CNNM4: variants seen among roughly 807,000 people sequenced by gnomAD.
CNNM4 encodes the protein metal transporter CNNM4.
CNNM4 carries 32 observed loss-of-function variants against 53.7 expected under a neutral mutation model. That is an observed-to-expected ratio of 0.60 (90% confidence interval 0.45 to 0.80). CNNM4 has a LOEUF of 0.80. Ranked by LOEUF, CNNM4 falls within the 30% of genes least tolerant of loss-of-function variation. CNNM4 has a pLI of 0.00. For synonymous variants in CNNM4, 410 were observed against 440.0 expected (o/e 0.93, Z 0.85); for missense variants, 784 against 1,022.0 (o/e 0.77, Z 3.17).
Position 96,806,172 on chromosome 2 carries a change from G to A in CNNM4, c.1949-2389G>A, listed in dbSNP as rs1399886000. On this transcript the variant is annotated intron_variant, in intron 5 of 6. Coordinates refer to ENST00000377075, the MANE Select transcript of CNNM4 (RefSeq NM_020184.4). ...TCCCGGACGGGGCGGCTGGCCGGGC[G>A]GGGGGCTGACACCTTCTTTTCAGTT... Among the ~76,000 whole-genome samples, 4 of 151,738 alleles carry A rather than the reference G, an allele frequency of 2.6e-5. No individual in the cohort carries two copies. In the East Asian group the frequency reaches 5.8e-4, roughly 22 times the overall value.
In CNNM4 at chr2:96,761,578, G is replaced by A; in HGVS notation, c.579G>A (p.Leu193=). ...ACATTCTCCTAATTACGGTGCTGCT[G>A]GTGCTGTCGGGCATATTTTCTGGCC... is the stretch of plus-strand genomic sequence containing the variant. The part of the protein sequence containing the change: ...WLHILLITVL[L]VLSGIFSGLN... Residue 193 remains leucine, a synonymous_variant, in exon 1 of 7, where the codon CTG becomes CTA. Transcript: ENST00000377075. This position sits in a 1 kb window ranked among gnomAD's most constrained non-coding sequence, Gnocchi z 6.0. 6.2e-7 allele frequency: 1 copy of A among 1,614,158 alleles called. No homozygotes were observed. The highest frequency in any genetic ancestry group is 8.5e-7 in the Non-Finnish European group (1 of 1,180,018).
intron 1 of CNNM4, among the ~76,000 whole-genome samples, chr2:96,764,794 T>C (rs2078798680): frequency 1.3e-5 from 2 of 152,138 alleles, no homozygotes; most frequent in Non-Finnish European, 2.9e-5. Flanking sequence ...GAGACCATCC[T>C]GGCTAACATG....
At position 96,799,626 on chromosome 2, in the gene CNNM4, G is replaced by A. The variant is rs2079140453; in HGVS notation, c.1926G>A (p.Met642Ile). 3.9e-6 allele frequency: 6 copies of A among 1,552,722 alleles called. No homozygotes were observed. Among genetic ancestry groups the A allele is most frequent in the Non-Finnish European group, 8.7e-7 (1 of 1,147,568 alleles). ...GCGCCTTCTCCTACTATGGGACTATGGCCCTGACCTCGGTCCCCTCCGGTG... is the reference window on the plus strand; with the variant it reads ...GCGCCTTCTCCTACTATGGGACTATAGCCCTGACCTCGGTCCCCTCCGGTG... ...ETGAFSYYGT[M>I]ALTSVPSDRS... The change falls in exon 5 of 7, where the codon ATG becomes ATA. Residue 642 changes from methionine (M) to isoleucine (I), a missense_variant. Around this residue, in one of 3 missense-constraint regions of CNNM4, gnomAD observed 307 missense variants for 376.3 expected, o/e 0.82. Coordinates refer to ENST00000377075, the MANE Select transcript of CNNM4 (RefSeq NM_020184.4).
chr2:96,779,946 G>T (rs1003754855), intron 1 of CNNM4, among the ~76,000 whole-genome samples: 4 of 152,012 alleles, frequency 2.6e-5, no homozygotes, highest in Non-Finnish European at 5.9e-5. Context: ...GGGGCTACAG[G>T]CACGTGCCAC....
Position 96,801,692 on chromosome 2 carries a change from G to C in CNNM4, c.1948+2044G>C, listed in dbSNP as rs2079160492. On this transcript the variant is annotated intron_variant, in intron 5 of 6. Transcript: ENST00000377075. This position sits in a 1 kb window ranked among gnomAD's most constrained non-coding sequence, Gnocchi z 5.6. ...CACACACAGAGACCACACGCAGAGA[G>C]ACCACACACACGCAGAGAGACCACA... 7.1e-6 allele frequency among the ~76,000 whole-genome samples: 1 copy of C among 141,176 alleles called. No homozygotes were observed. The highest frequency in any genetic ancestry group is 2.3e-4 in the South Asian group (1 of 4,444). 92.6% of individuals were successfully genotyped at this position (141,176 alleles called of 152,430 possible). A position where few individuals can be genotyped will look rare whatever the true frequency, so the allele number is the denominator to read the frequency against.
At position 96,801,679 on chromosome 2, in the gene CNNM4, C is replaced by CCACACGCAGAGAGACCACA. The variant is rs1352862464; in HGVS notation, c.1948+2055_1948+2073dup. Among the ~76,000 whole-genome samples, 2 of 144,310 alleles carry CCACACGCAGAGAGACCACA rather than the reference C, an allele frequency of 1.4e-5. No homozygotes were observed. The highest frequency in any genetic ancestry group is 3.0e-5 in the Non-Finnish European group (2 of 66,160). The allele number at this position is 144,310 out of a possible 152,430, so 94.7% of individuals were successfully genotyped here. ...GACCACACACACACACACACAGAGA[C>CCACACGCAGAGAGACCACA]CACACGCAGAGAGACCACACACACG... is the stretch of plus-strand genomic sequence containing the variant. On this transcript the variant is annotated intron_variant, in intron 5 of 6. Coordinates refer to ENST00000377075, the MANE Select transcript of CNNM4 (RefSeq NM_020184.4). The surrounding 1 kb of genome is among the most constrained non-coding windows in gnomAD (Gnocchi z 5.6).
At chr2:96,763,649 T>C (rs2078785792) in intron 1 of CNNM4, among the ~76,000 whole-genome samples, 1 of 151,936 alleles carries the variant, frequency 6.6e-6, no homozygotes, top group African/African-American at 2.4e-5. Flanking sequence ...GAGGACAGCT[T>C]TGGAGTGGGA....
In CNNM4 at chr2:96,761,611, CGGGCTT is replaced by C. The variant is rs754039778; in HGVS notation, c.613_618del (p.Gly205_Leu206del). The C allele has an allele frequency of 2.6e-5, 42 of 1,613,980 alleles. No individual in the cohort carries two copies. Among genetic ancestry groups the C allele is most frequent in the Non-Finnish European group, 3.5e-5 (41 of 1,180,038 alleles). Reference sequence around the variant, plus strand: ...CGGGCATATTTTCTGGCCTCAACCTCGGGCTTATGGCCCTGGACCCCATGGAGCTGC... The same window carrying C: ...CGGGCATATTTTCTGGCCTCAACCTCATGGCCCTGGACCCCATGGAGCTGC... On this transcript the variant is annotated inframe_deletion, in exon 1 of 7. Coordinates refer to ENST00000377075, the MANE Select transcript of CNNM4 (RefSeq NM_020184.4). The surrounding 1 kb of genome is among the most constrained non-coding windows in gnomAD (Gnocchi z 6.0).
intron 5 of CNNM4, among the ~76,000 whole-genome samples, chr2:96,802,171 G>GAT (rs1000952129): frequency 2.0e-5 from 3 of 149,938 alleles, no homozygotes; most frequent in Admixed American, 6.6e-5. Flanking sequence ...TACACCCATA[G>GAT]ACACACACAC....
chr2:96,797,696 G>A lies in CNNM4; in HGVS notation c.1681+49G>A, dbSNP rs777293869. On this transcript the variant is annotated intron_variant, in intron 3 of 6. Coordinates refer to ENST00000377075, the MANE Select transcript of CNNM4 (RefSeq NM_020184.4). This position sits in a 1 kb window ranked among gnomAD's most constrained non-coding sequence, Gnocchi z 6.0. ...TCTTGGTGGAAATACGGTCACGGGG[G>A]AGAAGTCCTGGGTTTCCGGCTGCTT... 3.1e-6 allele frequency: 5 copies of A among 1,608,976 alleles called. No individual in the cohort carries two copies. In the East Asian group the frequency reaches 8.9e-5, roughly 29 times the overall value.
chr2:96,797,592 C>T lies in CNNM4; in HGVS notation c.1626C>T (p.Leu542=). The change falls in exon 3 of 7, where the codon CTC becomes CTT. Residue 542 remains leucine (L), a synonymous_variant. Transcript: ENST00000377075. The surrounding 1 kb of genome is among the most constrained non-coding windows in gnomAD (Gnocchi z 6.0). ...CCTTCAAGGATGCGGACAATGAGCT[C>T]AAAGTGAAAATCTCCCCGCAGCTCC... ...FSAFKDADNE[L]KVKISPQLLL... 3 of 1,614,184 alleles carry T rather than the reference C, an allele frequency of 1.9e-6. No homozygotes were observed. The highest frequency in any genetic ancestry group is 2.5e-6 in the Non-Finnish European group (3 of 1,180,034).
At chr2:96,784,014 G>A (rs2078996541) in intron 1 of CNNM4, among the ~76,000 whole-genome samples, 1 of 152,180 alleles carries the variant, frequency 6.6e-6, no homozygotes, top group Non-Finnish European at 1.5e-5. Flanking sequence ...TCTTTGGAAG[G>A]CAGGATTATA....
intron 1 of CNNM4, among the ~76,000 whole-genome samples, chr2:96,775,457 G>C (rs1234036753): frequency 6.6e-6 from 1 of 152,152 alleles, no homozygotes; most frequent in Non-Finnish European, 1.5e-5. Flanking sequence ...GATGGACATT[G>C]CATTGTTTGC....
rs1574077341 is a variant in CNNM4, at chr2:96,796,063, T to A, written c.1403-949T>A. On this transcript the variant is annotated intron_variant, in intron 1 of 6. Transcript: ENST00000377075. ...CACAGTGCTCGGCCTCTCTGTGCCC[T>A]TGTCAGTTTGGGTCTTTCCCCTCCC... 4.7e-5 allele frequency among the ~76,000 whole-genome samples: 7 copies of A among 148,426 alleles called. 1 individual carries two copies. In the Admixed American group the frequency reaches 4.7e-4, roughly 10 times the overall value.
chr2:96,783,033 T>C (rs2078987804), intron 1 of CNNM4, among the ~76,000 whole-genome samples: 1 of 152,108 alleles, frequency 6.6e-6, no homozygotes, highest in South Asian at 2.1e-4. Context: ...TGTGAGACTC[T>C]GTCTCTATTT....
Position 96,801,082 on chromosome 2 carries a change from C to A in CNNM4, c.1948+1434C>A. On this transcript the variant is annotated intron_variant, in intron 5 of 6. Transcript: ENST00000377075. This position sits in a 1 kb window ranked among gnomAD's most constrained non-coding sequence, Gnocchi z 5.6. ...TCTCTTTTGCTCCAGTGCCTTCAGT[C>A]CAGGTCGGGTGTCCGCCTGGCAAGC... 3 of 985,410 alleles carry A rather than the reference C, an allele frequency of 3.0e-6. No individual in the cohort carries two copies. The highest frequency in any genetic ancestry group is 3.6e-6 in the Non-Finnish European group (3 of 829,890). The allele number at this position is 985,410 out of a possible 1,614,324, so 61.0% of individuals were successfully genotyped here.
intron 1 of CNNM4, among the ~76,000 whole-genome samples, chr2:96,763,532 T>C (rs2078784666): frequency 6.6e-6 from 1 of 152,130 alleles, no homozygotes. Flanking sequence ...TTCATTCCCA[T>C]AGGAGAGCTC....
chr2:96,793,274 C>T (rs940247341), intron 1 of CNNM4, among the ~76,000 whole-genome samples: 2 of 152,178 alleles, frequency 1.3e-5, no homozygotes, highest in East Asian at 1.9e-4. Context: ...CTCTCTGGCC[C>T]GGGGAGGGGA....
Position 96,809,794 on chromosome 2 carries a change from C to CT in CNNM4, c.*285dup. ...GAGAATTTCTAAAGTAGGCTCATCA[C>CT]TTTTTTTTAAATATCATTTTGGGAA... On this transcript the variant is annotated 3_prime_UTR_variant, in exon 7 of 7. Transcript: ENST00000377075. The CT allele has an allele frequency of 6.3e-5, 23 of 364,538 alleles. No homozygotes were observed. The highest frequency in any genetic ancestry group is 7.9e-5 in the South Asian group (1 of 12,620). The allele number at this position is 364,538 out of a possible 1,614,324, so 22.6% of individuals were successfully genotyped here.
Sources: allele counts gnomAD v4.1 joint callset (sites outside exome capture counted in the v4.1 genomes callset), GRCh38; gene constraint gnomAD v4.1.1; regional missense constraint gnomAD v4.1.1; non-coding constraint Gnocchi (gnomAD v3.1); transcripts MANE v1.5; gene names NCBI Gene and HGNC (gene_info 2026-07-23, HGNC 2026-07-21).